FBXO15: variants seen among roughly 807,000 people sequenced by gnomAD.
FBXO15 encodes the protein F-box only protein 15.
In FBXO15, 30 loss-of-function variants were observed where a neutral mutation model predicts 49.5. That is an observed-to-expected ratio of 0.61 (90% CI 0.45 to 0.82). FBXO15 has a LOEUF of 0.82. Among genes scored for constraint, FBXO15 ranks in the 40% least tolerant of loss-of-function variants. FBXO15 has a pLI of 0.00. For missense variants in FBXO15, 591 were observed against 631.5 expected (o/e 0.94, Z 0.69); for synonymous variants, 250 against 232.7 (o/e 1.07, Z -0.68).
intron 4 of FBXO15, among the ~76,000 whole-genome samples, 194 bp downstream of exon 4, chr18:74,130,222 T>C (rs551228915): frequency 6.6e-6 from 1 of 152,210 alleles, no homozygotes; most frequent in Non-Finnish European, 1.5e-5. Context: ...CCCACTAATA[T>C]TTCTGATCTG....
intron 8 of FBXO15, among the ~76,000 whole-genome samples, chr18:74,111,119 A>G (rs897508508): frequency 2.0e-5 from 3 of 152,124 alleles, no homozygotes; most frequent in African/African-American, 7.2e-5. Flanking sequence ...ATTCTTCTCA[A>G]GCTCACATGG....
rs1331169116 is a variant in FBXO15, at chr18:74,132,728, G to A, written c.333-2070C>T. On this transcript the variant is annotated intron_variant, in intron 3 of 9. Transcript: ENST00000419743. ...AGGACGAGGGCATATTTATCCAACA[G>A]AACTACCAACAGGCTCAGGGAAACT... 2.6e-5 allele frequency among the ~76,000 whole-genome samples: 4 copies of A among 152,180 alleles called. No homozygotes were observed. The East Asian group carries it at 7.7e-4, about 29-fold the overall frequency.
chr18:74,126,166 T>C (rs1389692296), intron 5 of FBXO15, 65 bp from the exon 6 acceptor site: 1 of 1,589,850 alleles, frequency 6.3e-7, no homozygotes, highest in African/African-American at 1.3e-5. Flanking sequence ...GTGTTGTCAA[T>C]TCTCTTTAGT....
chr18:74,098,096 C>T (rs1413521878), intron 8 of FBXO15: 2 of 152,178 alleles, frequency 1.3e-5, no homozygotes, highest in Admixed American at 6.6e-5. Flanking sequence ...AAGAGAACAC[C>T]CCATGGGACA....
intron 8 of FBXO15, among the ~76,000 whole-genome samples, chr18:74,092,407 T>C (rs531039442): frequency 6.2e-4 from 95 of 152,298 alleles, no homozygotes; most frequent in Non-Finnish European, 1.1e-3. Context: ...TAAGAACCAT[T>C]GTGGGGGAAC....
intron 8 of FBXO15, among the ~76,000 whole-genome samples, chr18:74,115,813 T>C (rs960047861): frequency 3.9e-5 from 6 of 152,146 alleles, no homozygotes; most frequent in Non-Finnish European, 5.9e-5. Context: ...GAATAAAGGG[T>C]TTATGTACAC....
intron 1 of FBXO15, among the ~76,000 whole-genome samples, chr18:74,145,878 G>A (rs1306415878): frequency 1.3e-5 from 2 of 152,108 alleles, no homozygotes; most frequent in South Asian, 2.1e-4. Context: ...GATCACAGGC[G>A]TGAGCCACTG....
intron 9 of FBXO15, chr18:74,076,467 A>G (rs1205918037): frequency 6.6e-6 from 1 of 152,352 alleles, no homozygotes; most frequent in Non-Finnish European, 1.5e-5. Flanking sequence ...AGGAACTAGG[A>G]AGAGGGCCCT....
chr18:74,098,983 G>C (rs1913397803), intron 8 of FBXO15: 1 of 152,330 alleles, frequency 6.6e-6, no homozygotes, highest in African/African-American at 2.4e-5. Context: ...AAATTAGCTG[G>C]GCGTGGTGGC....
intron 6 of FBXO15, among the ~76,000 whole-genome samples, chr18:74,125,136 G>T (rs954302588): frequency 3.3e-5 from 5 of 152,172 alleles, no homozygotes; most frequent in Middle Eastern, 3.2e-3. Flanking sequence ...CCCCCAAATG[G>T]TAAATTTGAA....
chr18:74,121,107 C>T (rs1227020584), intron 8 of FBXO15, among the ~76,000 whole-genome samples: 6 of 152,124 alleles, frequency 3.9e-5, no homozygotes, highest in Admixed American at 3.3e-4. Flanking sequence ...AAAAATACCA[C>T]AGCTGACTCA....
chr18:74,112,135 C>G (rs1438368739), intron 8 of FBXO15, among the ~76,000 whole-genome samples: 2 of 152,138 alleles, frequency 1.3e-5, no homozygotes, highest in African/African-American at 4.8e-5. Flanking sequence ...TATCAATTCT[C>G]TAAAATCTCT....
rs960159409 is a variant in FBXO15 at position 74,108,761 on chromosome 18, C to T, written c.1138+14607G>A. 4.6e-5 allele frequency among the ~76,000 whole-genome samples: 7 copies of T among 152,238 alleles called. No individual in the cohort carries two copies. The South Asian group carries it at 1.5e-3, about 32-fold the overall frequency. On this transcript the variant is annotated intron_variant, in intron 8 of 9. Transcript: ENST00000419743. ...CCAAAACTACACCTAAGTGTATAAT[C>T]TTCAAACTACAGAAAATCAAAAATG...
At chr18:74,079,127 C>T (rs1229970694) in intron 9 of FBXO15, among the ~76,000 whole-genome samples, 1 of 152,108 alleles carries the variant, frequency 6.6e-6, no homozygotes, top group Non-Finnish European at 1.5e-5. Flanking sequence ...TTAGAAGTAA[C>T]ATTAAAATAA....
intron 1 of FBXO15, among the ~76,000 whole-genome samples, chr18:74,142,574 C>T (rs980442349): frequency 6.6e-6 from 1 of 152,098 alleles, no homozygotes; most frequent in Non-Finnish European, 1.5e-5. Flanking sequence ...TCCTTGGTGT[C>T]CCTTAGTTTG....
chr18:74,097,116 C>T (rs1913313363), intron 8 of FBXO15: 1 of 152,216 alleles, frequency 6.6e-6, no homozygotes, highest in Non-Finnish European at 1.5e-5. Flanking sequence ...GCCATTTCTG[C>T]CTTGCCTAGG....
At chr18:74,081,308 A>C (rs1169036353) in intron 9 of FBXO15, among the ~76,000 whole-genome samples, 1 of 152,206 alleles carries the variant, frequency 6.6e-6, no homozygotes, top group African/African-American at 2.4e-5. Context: ...TGTTCATCCC[A>C]TAAAATAAAG....
At chr18:74,082,270 A>G (rs1912535815) in intron 8 of FBXO15, among the ~76,000 whole-genome samples, 1 of 152,162 alleles carries the variant, frequency 6.6e-6, no homozygotes, top group Non-Finnish European at 1.5e-5. Flanking sequence ...CAGAAAGGTG[A>G]TGTCAAAGGT....
chr18:74,130,830 GT>G (rs1476029880), intron 3 of FBXO15, 172 bp from the exon 4 acceptor site: 1 of 709,304 alleles, frequency 1.4e-6, no homozygotes, highest in East Asian at 3.1e-5. Flanking sequence ...TTGAGATTTA[GT>G]GTTTTAAATT....
Sources: gnomAD v4.1 joint callset for allele counts (sites outside exome capture counted in the v4.1 genomes callset) on GRCh38, gnomAD v4.1.1 for gene constraint, MANE v1.5 for transcripts, NCBI Gene and HGNC (gene_info 2026-07-23, HGNC 2026-07-21) for gene names.